RSU1: variants seen among roughly 807,000 people sequenced by gnomAD.
RSU1 encodes the protein Ras suppressor protein 1.
Under a neutral mutation model 31.1 loss-of-function variants are expected in RSU1, and 26 were observed. The ratio of observed to expected loss-of-function variants is 0.84; its 90% CI spans 0.61 to 1.16. The LOEUF (loss-of-function observed/expected upper bound fraction) is 1.16, where lower values mean the gene tolerates loss of function less well. Ranked by LOEUF, RSU1 falls within the 50% of genes most tolerant of loss-of-function variation. The pLI is 0.00. For synonymous variants in RSU1, 164 were observed against 136.3 expected, an observed-to-expected ratio of 1.20 and a Z score of -1.41; for missense variants, 320 against 339.1, an observed-to-expected ratio of 0.94 and a Z score of 0.44.
At chr10:16,737,013 G>T (rs1411991361) in intron 7 of RSU1, among the ~76,000 whole-genome samples, 1 of 150,426 alleles carries the variant, frequency 6.6e-6, no homozygotes, top group African/African-American at 2.4e-5. Flanking sequence ...GAAGCCAAAA[G>T]GGGGATGGTG....
intron 2 of RSU1, among the ~76,000 whole-genome samples, chr10:16,790,859 C>T (rs554097906): frequency 2.0e-5 from 3 of 152,300 alleles, no homozygotes; most frequent in African/African-American, 7.2e-5. Flanking sequence ...TTCCCCTTCG[C>T]CTTCCACCAT....
intron 6 of RSU1, 37 bp from the exon 7 acceptor site, chr10:16,752,690 C>T (rs757203728): frequency 3.4e-6 from 5 of 1,465,786 alleles, no homozygotes; most frequent in African/African-American, 2.8e-5. Context: ...CATATTTACA[C>T]ATTAAAAGGT....
intron 4 of RSU1, among the ~76,000 whole-genome samples, chr10:16,761,465 T>G (rs1837210280): frequency 6.6e-6 from 1 of 152,134 alleles, no homozygotes. Context: ...TAGCCTGACC[T>G]CTGACCTGAC....
intron 7 of RSU1, among the ~76,000 whole-genome samples, chr10:16,722,320 T>C (rs1836281923): frequency 6.6e-6 from 1 of 152,174 alleles, no homozygotes; most frequent in African/African-American, 2.4e-5. Flanking sequence ...GAGGTGGGAA[T>C]ATTGTTTAAG....
At position 16,731,094 on chromosome 10, in the gene RSU1, G is replaced by A. The variant is rs183285713; in HGVS notation, c.598+21445C>T. Among the ~76,000 whole-genome samples, 343 of 152,240 alleles carry A rather than the reference G, an allele frequency of 2.3e-3. 2 individuals carry two copies. Among genetic ancestry groups the A allele is most frequent in the African/African-American group, 7.4e-3 (307 of 41,548 alleles). On this transcript the variant is annotated intron_variant, in intron 7 of 8. Transcript: ENST00000345264. ...CTCCCAAAGTGCTGGGATTACAGAC[G>A]TGAGCCATGGCACCCGGCCTTGTAA...
At chr10:16,728,542 T>C (rs1179142006) in intron 7 of RSU1, among the ~76,000 whole-genome samples, 2 of 152,118 alleles carry the variant, frequency 1.3e-5, no homozygotes, top group Non-Finnish European at 2.9e-5. Context: ...AACGGAACTA[T>C]GAGGTTCATA....
At chr10:16,751,145 C>T (rs1268835910) in intron 7 of RSU1, among the ~76,000 whole-genome samples, 2 of 152,080 alleles carry the variant, frequency 1.3e-5, no homozygotes, top group Non-Finnish European at 2.9e-5. Context: ...GGGATTACAA[C>T]TGGGAGCCAC....
intron 7 of RSU1, among the ~76,000 whole-genome samples, chr10:16,743,876 A>T (rs1836798041): frequency 6.6e-6 from 1 of 152,166 alleles, no homozygotes; most frequent in African/African-American, 2.4e-5. Flanking sequence ...GATTCCTGTA[A>T]TCCTAACATT....
chr10:16,755,499 C>T (rs1271696593), intron 4 of RSU1, among the ~76,000 whole-genome samples: 3 of 151,684 alleles, frequency 2.0e-5, no homozygotes, highest in Admixed American at 2.0e-4. Context: ...TGGTGTACAA[C>T]ATGATACTTC....
intron 8 of RSU1, among the ~76,000 whole-genome samples, chr10:16,665,020 T>C (rs1834962572): frequency 6.6e-6 from 1 of 152,204 alleles, no homozygotes; most frequent in South Asian, 2.1e-4. Context: ...CTCAGTTCAC[T>C]GCAACCTCAG....
intron 7 of RSU1, among the ~76,000 whole-genome samples, chr10:16,717,193 T>A (rs996837943): frequency 2.0e-5 from 3 of 152,216 alleles, no homozygotes; most frequent in African/African-American, 7.2e-5. Context: ...TGCTTCCCGC[T>A]CTGGGGCTTA....
At chr10:16,787,477 CT>C (rs1376577784) in intron 2 of RSU1, among the ~76,000 whole-genome samples, 3 of 152,178 alleles carry the variant, frequency 2.0e-5, no homozygotes, top group Admixed American at 1.3e-4. Context: ...CAGGCCACCC[CT>C]GAACGCCTCT....
chr10:16,787,608 G>C (rs559022642), intron 2 of RSU1, among the ~76,000 whole-genome samples: 1 of 152,286 alleles, frequency 6.6e-6, no homozygotes, highest in African/African-American at 2.4e-5. Context: ...ATGGGGAGTG[G>C]TTTCCCCATA....
At chr10:16,714,000 T>A (rs770489558) in intron 7 of RSU1, among the ~76,000 whole-genome samples, 2 of 152,156 alleles carry the variant, frequency 1.3e-5, no homozygotes, top group Admixed American at 6.5e-5. Flanking sequence ...CTGTAGGTAT[T>A]TGTGGTGGTC....
intron 8 of RSU1, among the ~76,000 whole-genome samples, chr10:16,677,073 TCA>T (rs1835248116): frequency 6.6e-6 from 1 of 152,176 alleles, no homozygotes; most frequent in Admixed American, 6.5e-5. Context: ...AGTCAAATGA[TCA>T]TGTACATTCC....
chr10:16,765,713 G>A (rs923242653), intron 3 of RSU1, among the ~76,000 whole-genome samples: 1 of 152,146 alleles, frequency 6.6e-6, no homozygotes, highest in Non-Finnish European at 1.5e-5. Context: ...AGACTATCCA[G>A]ATAACTAAGA....
chr10:16,741,390 G>C (rs1428041920), intron 7 of RSU1, among the ~76,000 whole-genome samples: 1 of 152,164 alleles, frequency 6.6e-6, no homozygotes, highest in African/African-American at 2.4e-5. Context: ...ATTGGAGTGG[G>C]AAAGAAAAGG....
intron 8 of RSU1, among the ~76,000 whole-genome samples, chr10:16,607,732 C>T (rs1335621891): frequency 2.0e-5 from 3 of 152,162 alleles, no homozygotes; most frequent in Admixed American, 6.5e-5. Context: ...TGCCCAGGAA[C>T]CCTGTAGAGC....
intron 4 of RSU1, among the ~76,000 whole-genome samples, chr10:16,759,868 C>G (rs141078805): frequency 0.025 from 3,241 of 130,202 alleles, 102 homozygotes; most frequent in African/African-American, 0.075. Context: ...ACTTTGAAAG[C>G]AAATTCTGAT....
Sources: gnomAD v4.1 joint callset for allele counts (sites outside exome capture counted in the v4.1 genomes callset) on GRCh38, gnomAD v4.1.1 for gene constraint, MANE v1.5 for transcripts, NCBI Gene and HGNC (gene_info 2026-07-23, HGNC 2026-07-21) for gene names.